The following TMEFF2 variants were observed in gnomAD, a reference collection of about 807,000 sequenced individuals.
TMEFF2 encodes transmembrane protein with EGF like and two follistatin like domains 2.
Under a neutral mutation model 53.8 loss-of-function variants are expected in TMEFF2, and 28 were observed. That is an observed-to-expected ratio of 0.52 (90% CI 0.39 to 0.71). The LOEUF is 0.71. Ranked by LOEUF, TMEFF2 falls within the 30% of genes least tolerant of loss-of-function variation. The pLI is 0.00. For synonymous variants in TMEFF2, 162 were observed against 166.3 expected (o/e 0.97, Z 0.20); for missense variants, 353 against 455.2 (o/e 0.78, Z 2.04).
At chr2:192,000,459 CCTCT>C (rs1686328627) in intron 5 of TMEFF2, among the ~76,000 whole-genome samples, 1 of 152,170 alleles carries the variant, frequency 6.6e-6, no homozygotes, top group South Asian at 2.1e-4. Flanking sequence ...AACCCAACCC[CCTCT>C]CTCTAATACC....
intron 3 of TMEFF2, among the ~76,000 whole-genome samples, chr2:192,180,096 G>C (rs568641453): frequency 1.3e-5 from 2 of 151,602 alleles, no homozygotes; most frequent in African/African-American, 4.8e-5. Flanking sequence ...CATAATTAAG[G>C]CTTGTATTCT....
intron 7 of TMEFF2, among the ~76,000 whole-genome samples, chr2:191,970,320 A>T (rs1692600547): frequency 6.6e-6 from 1 of 152,002 alleles, no homozygotes; most frequent in East Asian, 1.9e-4. Context: ...TTTACCCCAA[A>T]TTCACATTCA....
chr2:191,949,238 T>C lies in TMEFF2; in HGVS notation c.*1073A>G, dbSNP rs1691792008. The C allele has an allele frequency of 3.0e-6, 3 of 985,252 alleles. No homozygotes were observed. The highest frequency in any genetic ancestry group is 1.7e-5 in the African/African-American group (1 of 57,228). The allele number at this position is 985,252 out of a possible 1,614,324, so 61.0% of individuals were successfully genotyped here. A position where few individuals can be genotyped will look rare whatever the true frequency, so the allele number is the denominator to read the frequency against. On this transcript the variant is annotated 3_prime_UTR_variant, in exon 10 of 10. Transcript: ENST00000272771. ...ACAAAAATCCATACCAACTTCCCAG[T>C]GAGGTCTTTCAGATGCTATAGGATT...
At chr2:192,145,183 T>C (rs1690220612) in intron 4 of TMEFF2, among the ~76,000 whole-genome samples, 2 of 152,002 alleles carry the variant, frequency 1.3e-5, no homozygotes, top group African/African-American at 2.4e-5. Context: ...CTTTATTAAG[T>C]ACAAGAAATT....
At chr2:191,961,554 C>T (rs1692274310) in intron 7 of TMEFF2, among the ~76,000 whole-genome samples, 1 of 152,106 alleles carries the variant, frequency 6.6e-6, no homozygotes, top group African/African-American at 2.4e-5. Flanking sequence ...AATGAAACTA[C>T]TTTTATTTAA....
At chr2:192,003,937 G>A (rs972679936) in intron 5 of TMEFF2, among the ~76,000 whole-genome samples, 5 of 148,592 alleles carry the variant, frequency 3.4e-5, no homozygotes, top group African/African-American at 1.2e-4. Context: ...GTGGGGGGGG[G>A]GCTCACACTC....
intron 5 of TMEFF2, among the ~76,000 whole-genome samples, chr2:192,054,408 T>A (rs981319737): frequency 1.3e-5 from 2 of 152,170 alleles, no homozygotes; most frequent in Admixed American, 1.3e-4. Flanking sequence ...TTCTCCTTTG[T>A]CCTTCTCCTT....
intron 4 of TMEFF2, among the ~76,000 whole-genome samples, chr2:192,145,000 T>C (rs1237476349): frequency 2.0e-5 from 3 of 151,938 alleles, no homozygotes; most frequent in African/African-American, 7.2e-5. Context: ...TTGAAACAAA[T>C]AGGTATTTTA....
chr2:192,159,188 T>C (rs975128017), intron 4 of TMEFF2, among the ~76,000 whole-genome samples: 1 of 152,172 alleles, frequency 6.6e-6, no homozygotes, highest in Non-Finnish European at 1.5e-5. Context: ...ACAATGCAGA[T>C]TGTTTTATGC....
At chr2:192,155,235 T>G (rs1461892057) in intron 4 of TMEFF2, among the ~76,000 whole-genome samples, 2 of 151,904 alleles carry the variant, frequency 1.3e-5, no homozygotes, top group African/African-American at 4.8e-5. Flanking sequence ...GAGAGCCTAT[T>G]GGGAGAAATA....
intron 4 of TMEFF2, among the ~76,000 whole-genome samples, chr2:192,073,978 T>A (rs1172386330): frequency 6.6e-6 from 1 of 151,884 alleles, no homozygotes; most frequent in African/African-American, 2.4e-5. Context: ...AAAAGAAGAT[T>A]TAGGTATCTC....
At chr2:192,041,662 A>T (rs1321589900) in intron 5 of TMEFF2, among the ~76,000 whole-genome samples, 1 of 152,138 alleles carries the variant, frequency 6.6e-6, no homozygotes, top group Non-Finnish European at 1.5e-5. Flanking sequence ...CTCGTACATA[A>T]ATGTTCATAA....
intron 4 of TMEFF2, among the ~76,000 whole-genome samples, chr2:192,160,805 A>G (rs1423228041): frequency 2.0e-5 from 3 of 152,232 alleles, no homozygotes; most frequent in Admixed American, 6.5e-5. Flanking sequence ...TGCAGCAGCA[A>G]TGATGGCATG....
intron 5 of TMEFF2, among the ~76,000 whole-genome samples, chr2:192,002,476 ATT>A (rs55957603): frequency 3.5e-5 from 5 of 144,876 alleles, no homozygotes; most frequent in East Asian, 2.0e-4. Flanking sequence ...TATGGAGAAT[ATT>A]TTTTTTTTTT....
At chr2:192,149,174 T>C (rs1434043084) in intron 4 of TMEFF2, among the ~76,000 whole-genome samples, 1 of 151,992 alleles carries the variant, frequency 6.6e-6, no homozygotes, top group African/African-American at 2.4e-5. Flanking sequence ...GGATGGTTCA[T>C]GCCTAGGGCC....
At chr2:191,988,140 C>T (rs541344461) in intron 7 of TMEFF2, among the ~76,000 whole-genome samples, 3 of 152,280 alleles carry the variant, frequency 2.0e-5, no homozygotes, top group Non-Finnish European at 2.9e-5. Context: ...TAATAGTTGC[C>T]TATCACTGTT....
chr2:192,011,405 C>G (rs1686622737), intron 5 of TMEFF2, among the ~76,000 whole-genome samples: 1 of 152,148 alleles, frequency 6.6e-6, no homozygotes, highest in Non-Finnish European at 1.5e-5. Flanking sequence ...AGCAAAGGAT[C>G]CAGCAGAGAA....
At chr2:192,135,483 A>G (rs1433803584) in intron 4 of TMEFF2, among the ~76,000 whole-genome samples, 1 of 152,046 alleles carries the variant, frequency 6.6e-6, no homozygotes, top group Non-Finnish European at 1.5e-5. Flanking sequence ...ACAACCCAAC[A>G]ATACCACCCC....
At chr2:192,087,744 T>C (rs1688699078) in intron 4 of TMEFF2, among the ~76,000 whole-genome samples, 1 of 152,172 alleles carries the variant, frequency 6.6e-6, no homozygotes, top group African/African-American at 2.4e-5. Context: ...AATGCTCTTC[T>C]GAGGAAGTTC....
Sources: allele counts gnomAD v4.1 joint callset (sites outside exome capture counted in the v4.1 genomes callset), GRCh38; gene constraint gnomAD v4.1.1; transcripts MANE v1.5; gene names NCBI Gene and HGNC (gene_info 2026-07-23, HGNC 2026-07-21).